The following RANBP17 variants were observed in gnomAD, a reference collection of about 807,000 sequenced individuals.
The protein encoded by RANBP17 is RAN binding protein 17.
In RANBP17, 158 loss-of-function variants were observed where a neutral mutation model predicts 141.2. The observed-to-expected ratio is 1.12, with a 90% confidence interval of 0.98 to 1.28. RANBP17 has a LOEUF of 1.28. RANBP17 is among the 50% of genes most tolerant of loss of function. RANBP17 has a pLI of 0.00. For missense variants in RANBP17, 1,438 were observed against 1,290.7 expected, an observed-to-expected ratio of 1.11 and a Z score of -1.75; for synonymous variants, 430 against 450.0, an observed-to-expected ratio of 0.96 and a Z score of 0.56.
At chr5:170,959,118 C>T (rs1341778452) in intron 13 of RANBP17, among the ~76,000 whole-genome samples, 2 of 152,198 alleles carry the variant, frequency 1.3e-5, no homozygotes, top group Non-Finnish European at 2.9e-5. Flanking sequence ...GTGCTAGCTT[C>T]TTTCAGACCT....
intron 24 of RANBP17, among the ~76,000 whole-genome samples, chr5:171,244,853 C>T (rs540227212): frequency 1.4e-4 from 21 of 152,204 alleles, no homozygotes; most frequent in East Asian, 9.7e-4. Context: ...AGGCCAGGCG[C>T]GGTGGCTCAC....
intron 24 of RANBP17, among the ~76,000 whole-genome samples, chr5:171,250,652 T>C (rs1280822491): frequency 6.6e-6 from 1 of 151,482 alleles, no homozygotes; most frequent in African/African-American, 2.4e-5. Context: ...AAAAAGATAA[T>C]CCACACAAAC....
rs143340880 is a variant in RANBP17, at chr5:170,873,707, T to C, written c.19-4390T>C. 9.8e-3 allele frequency among the ~76,000 whole-genome samples: 1,495 copies of C among 152,312 alleles called. 13 individuals carry two copies. The highest frequency in any genetic ancestry group is 0.015 in the Non-Finnish European group (1,014 of 68,024). On this transcript the variant is annotated intron_variant, in intron 1 of 27. Transcript: ENST00000523189. The stretch of plus-strand genomic sequence containing the variant: ...TAGTGATAATCCTTTATCATTTTTA[T>C]TGTGTCTATTTGATTCTTCTCTCTT...
chr5:171,213,779 T>C (rs750577207), intron 21 of RANBP17, 41 bp downstream of exon 21: 2 of 1,402,266 alleles, frequency 1.4e-6, no homozygotes, highest in Admixed American at 3.4e-5. Context: ...AGTCTACTAT[T>C]AGCGGAAATC....
chr5:171,038,964 A>T (rs553390419), intron 14 of RANBP17, among the ~76,000 whole-genome samples: 18 of 151,988 alleles, frequency 1.2e-4, no homozygotes, highest in African/African-American at 4.3e-4. Flanking sequence ...CATTTTCTTT[A>T]TCCATTCCAC....
At chr5:171,210,104 GAGA>G (rs1052176957) in intron 20 of RANBP17, among the ~76,000 whole-genome samples, 4 of 152,124 alleles carry the variant, frequency 2.6e-5, no homozygotes, top group African/African-American at 9.7e-5. Context: ...GAAATTCATA[GAGA>G]AGATCTCAGT....
At chr5:170,886,457 C>T (rs1447526230) in intron 3 of RANBP17, among the ~76,000 whole-genome samples, 2 of 152,084 alleles carry the variant, frequency 1.3e-5, no homozygotes, top group African/African-American at 4.8e-5. Flanking sequence ...TGATCATAAA[C>T]CTGACTACAT....
chr5:170,882,079 A>G (rs190769000), intron 3 of RANBP17, among the ~76,000 whole-genome samples, 183 bp downstream of exon 3: 149 of 152,272 alleles, frequency 9.8e-4, no homozygotes, highest in African/African-American at 3.5e-3. Context: ...CGTCTAATCA[A>G]AAAAGCATTT....
chr5:170,959,885 C>T (rs1776009494), intron 13 of RANBP17, among the ~76,000 whole-genome samples: 1 of 152,190 alleles, frequency 6.6e-6, no homozygotes, highest in Non-Finnish European at 1.5e-5. Context: ...CTTACTCTCT[C>T]AGGGATGGCA....
chr5:170,901,880 A>G (rs1770668152), intron 5 of RANBP17, among the ~76,000 whole-genome samples: 3 of 152,186 alleles, frequency 2.0e-5, no homozygotes, highest in African/African-American at 7.2e-5. Context: ...GGGTTTCTGC[A>G]GAGAGATCTG....
At chr5:171,147,241 C>G (rs1053032405) in intron 14 of RANBP17, among the ~76,000 whole-genome samples, 3 of 150,444 alleles carry the variant, frequency 2.0e-5, no homozygotes, top group African/African-American at 4.9e-5. Flanking sequence ...GTGGCATATA[C>G]ATTTTTATAA....
At chr5:171,125,908 C>T (rs918919482) in intron 14 of RANBP17, among the ~76,000 whole-genome samples, 3 of 152,140 alleles carry the variant, frequency 2.0e-5, no homozygotes, top group Non-Finnish European at 4.4e-5. Context: ...CTGCCTCAGC[C>T]TCCAGAGTAG....
chr5:171,174,377 G>C (rs1032618489), intron 16 of RANBP17, among the ~76,000 whole-genome samples: 1 of 152,066 alleles, frequency 6.6e-6, no homozygotes, highest in Non-Finnish European at 1.5e-5. Context: ...AGAAATTTTA[G>C]TTTCTGTCTA....
intron 5 of RANBP17, among the ~76,000 whole-genome samples, chr5:170,902,039 G>C (rs4470775): frequency 0.63 from 95,922 of 151,962 alleles, 31,229 homozygotes; most frequent in South Asian, 0.9. Context: ...GTGATGTTCT[G>C]TGTATTTCCT....
intron 14 of RANBP17, among the ~76,000 whole-genome samples, chr5:171,093,030 A>G (rs1048003941): frequency 2.0e-5 from 3 of 152,192 alleles, no homozygotes; most frequent in East Asian, 1.9e-4. Flanking sequence ...CCAATTTTCT[A>G]CCAGCATCTA....
chr5:171,265,802 G>A lies in RANBP17; in HGVS notation c.2898G>A (p.Gln966=). 1 of 1,614,130 alleles carries A rather than the reference G, an allele frequency of 6.2e-7. No individual in the cohort carries two copies. The highest frequency in any genetic ancestry group is 8.5e-7 in the Non-Finnish European group (1 of 1,180,014). Residue 966 remains glutamine, a synonymous_variant, in exon 25 of 28, where the codon CAG becomes CAA. Transcript: ENST00000523189. ...LRCREATQAG[Q]RLLHFMQQNP... ...GCAGAGAGGCTACCCAGGCTGGTCA[G>A]AGACTATTACATTTTATGCAGCAAA...
intron 5 of RANBP17, chr5:170,903,800 G>A: frequency 2.6e-6 from 1 of 381,278 alleles, no homozygotes. Context: ...AGCAGAATAA[G>A]CCCTTTGTTG....
At chr5:171,265,928 C>A in intron 25 of RANBP17, 81 bp downstream of exon 25, 1 of 1,301,652 alleles carries the variant, frequency 7.7e-7, no homozygotes, top group Admixed American at 2.2e-5. Flanking sequence ...CTTAGAGCAG[C>A]TGGTCTTGCC....
chr5:171,047,442 G>GTTT (rs60072803), intron 14 of RANBP17, among the ~76,000 whole-genome samples: 20 of 129,446 alleles, frequency 1.5e-4, no homozygotes, highest in Non-Finnish European at 2.5e-4. Flanking sequence ...TTTTTGTTTT[G>GTTT]TTTTTTTTTT....
Sources: gnomAD v4.1 joint callset for allele counts (sites outside exome capture counted in the v4.1 genomes callset) on GRCh38, gnomAD v4.1.1 for gene constraint, MANE v1.5 for transcripts, NCBI Gene and HGNC (gene_info 2026-07-23, HGNC 2026-07-21) for gene names.